Variants in C6orf163 observed in about 807,000 individuals in gnomAD.
C6orf163 encodes uncharacterized protein C6orf163.
In C6orf163, 22 loss-of-function variants were observed where a neutral mutation model predicts 28.4. That is an observed-to-expected ratio of 0.78 (90% CI 0.55 to 1.11). The LOEUF is 1.11. Among genes scored for constraint, C6orf163 ranks in the 50% least tolerant of loss-of-function variants. C6orf163 has a pLI of 0.00. For missense variants in C6orf163, 342 were observed against 389.1 expected, an observed-to-expected ratio of 0.88 and a Z score of 1.02; for synonymous variants, 110 against 123.6, an observed-to-expected ratio of 0.89 and a Z score of 0.73.
At position 87,344,947 on chromosome 6, in the gene C6orf163, C is replaced by T. The variant is rs1777301256; in HGVS notation, c.-153C>T. On this transcript the variant is annotated 5_prime_UTR_variant, in exon 1 of 5. Coordinates refer to ENST00000388923, the MANE Select transcript of C6orf163 (RefSeq NM_001010868.3). ...TAGACACATAACCACAGCCTAATCA[C>T]TTGAACCATTTAATCCTTACCAGCC... is the stretch of plus-strand genomic sequence containing the variant. 8.2e-6 allele frequency: 5 copies of T among 608,980 alleles called. No homozygotes were observed. Among genetic ancestry groups the T allele is most frequent in the Non-Finnish European group, 1.4e-5 (5 of 357,794 alleles). 37.7% of individuals were successfully genotyped at this position (608,980 alleles called of 1,614,324 possible).
At chr6:87,360,176 A>G (rs1381067019) in intron 4 of C6orf163, among the ~76,000 whole-genome samples, 2 of 152,208 alleles carry the variant, frequency 1.3e-5, no homozygotes, top group East Asian at 3.8e-4. Flanking sequence ...GATTATGTCC[A>G]AGATTTAATT....
chr6:87,348,353 T>A, intron 1 of C6orf163: 1 of 987,260 alleles, frequency 1.0e-6, no homozygotes, highest in Non-Finnish European at 1.2e-6. Flanking sequence ...CTGAAGCAGT[T>A]AAACCCACAA....
chr6:87,347,041 T>C (rs1340657382), intron 1 of C6orf163, among the ~76,000 whole-genome samples: 1 of 152,232 alleles, frequency 6.6e-6, no homozygotes, highest in East Asian at 1.9e-4. Flanking sequence ...TGTGTGTATA[T>C]TAATGTGCCA....
rs753793927 is a variant in C6orf163, at chr6:87,365,007, G to A, written c.601G>A (p.Asp201Asn). The part of the protein sequence containing the change: ...IVNTGVTVIK[D>N]EKTSVARLMR... ...GAATACTGGTGTCACAGTTATTAAG[G>A]ATGAGAAGACCAGTGTGGCCCGACT... Residue 201 changes from aspartate to asparagine, a missense_variant, in exon 5 of 5, where the codon GAT (aspartate) becomes AAT (asparagine). Asp to Asn is a conservative substitution (Grantham distance 23). Coordinates refer to ENST00000388923, the MANE Select transcript of C6orf163 (RefSeq NM_001010868.3). 3 of 1,551,584 alleles carry A rather than the reference G, an allele frequency of 1.9e-6. No homozygotes were observed. The highest frequency in any genetic ancestry group is 2.6e-6 in the Non-Finnish European group (3 of 1,146,898).
At chr6:87,363,852 T>A (rs1777611662) in intron 4 of C6orf163, among the ~76,000 whole-genome samples, 1 of 152,240 alleles carries the variant, frequency 6.6e-6, no homozygotes, top group Non-Finnish European at 1.5e-5. Context: ...AGACTTTATT[T>A]GCCTTTTTCA....
intron 4 of C6orf163, chr6:87,357,095 T>C (rs1291594030): frequency 6.5e-6 from 1 of 154,198 alleles, no homozygotes; most frequent in Non-Finnish European, 1.4e-5. Flanking sequence ...GAGACAGTTA[T>C]TTTAAACAAT....
intron 4 of C6orf163, among the ~76,000 whole-genome samples, chr6:87,362,030 C>T (rs192918207): frequency 3.9e-4 from 60 of 152,238 alleles, no homozygotes; most frequent in African/African-American, 1.3e-3. Flanking sequence ...ACCCTCCTGA[C>T]GAAAAATGTA....
intron 4 of C6orf163, among the ~76,000 whole-genome samples, chr6:87,362,564 G>A (rs542608361): frequency 9.9e-5 from 15 of 152,274 alleles, no homozygotes; most frequent in African/African-American, 3.6e-4. Context: ...CACAGTTCCT[G>A]CAATACAGTA....
intron 1 of C6orf163, 166 bp from the exon 2 acceptor site, chr6:87,348,646 A>G: frequency 7.2e-7 from 1 of 1,395,472 alleles, no homozygotes; most frequent in Non-Finnish European, 9.3e-7. Context: ...CCTCCTAATC[A>G]GAGAAAATCT....
intron 1 of C6orf163, chr6:87,347,580 C>T (rs1562228430): frequency 6.1e-6 from 6 of 985,256 alleles, no homozygotes; most frequent in African/African-American, 1.7e-5. Context: ...TTTTAAGATT[C>T]GCTGATGAAC....
chr6:87,358,644 T>C (rs1206090647), intron 4 of C6orf163: 1 of 152,122 alleles, frequency 6.6e-6, no homozygotes, highest in East Asian at 1.9e-4. Flanking sequence ...TTCTAATTGT[T>C]TTCTAGCCCA....
chr6:87,356,364 C>T lies in C6orf163; in HGVS notation c.415C>T (p.His139Tyr), dbSNP rs1777502611. 2 of 1,551,644 alleles carry T rather than the reference C, an allele frequency of 1.3e-6. No homozygotes were observed. The highest frequency in any genetic ancestry group is 1.7e-6 in the Non-Finnish European group (2 of 1,147,012). Residue 139 changes from histidine (H) to tyrosine (Y), a missense_variant, in exon 4 of 5, where the codon CAC becomes TAC. His to Tyr is a moderately conservative substitution (Grantham distance 83). Transcript: ENST00000388923. The stretch of plus-strand genomic sequence containing the variant: ...CATGGATGACGAAATGAAGAGAGAG[C>T]ACTTGGCTGCAGAACAGCGCATGGT... ...QNMDDEMKRE[H>Y]LAAEQRMVHR...
chr6:87,356,856 A>C (rs114454562), intron 4 of C6orf163: 1 of 202,514 alleles, frequency 4.9e-6, no homozygotes. Flanking sequence ...ACCAGTTTTA[A>C]GAAGCCAAGG....
intron 1 of C6orf163, chr6:87,348,461 G>A: frequency 9.9e-7 from 1 of 1,009,768 alleles, no homozygotes; most frequent in Non-Finnish European, 1.2e-6. Flanking sequence ...GGGAGAGAGA[G>A]AGCTGTATAA....
chr6:87,348,814 A>T lies in C6orf163; in HGVS notation c.151A>T (p.Ile51Phe). The change falls in exon 2 of 5, where the codon ATT becomes TTT. Residue 51 changes from isoleucine to phenylalanine, a missense_variant and splice_region_variant. Transcript: ENST00000388923. The part of the protein sequence containing the change: ...RFYTHKDILD[I>F]GANILKKEEQ... ...ACCATTGCTCTTCAAATACACAGAT[A>T]TTGGGGCAAATATTCTGAAAAAAGA... is the stretch of plus-strand genomic sequence containing the variant. 9 of 1,537,322 alleles carry T rather than the reference A, an allele frequency of 5.9e-6. No homozygotes were observed. The highest frequency in any genetic ancestry group is 7.8e-6 in the Non-Finnish European group (9 of 1,146,886).
In C6orf163 at chr6:87,345,050, T is replaced by C; in HGVS notation, c.-50T>C. ...CTTTTCTTGAAACGACTTTTTCTGA[T>C]TCTAAGATTATTTTAACTGTAAGTA... On this transcript the variant is annotated 5_prime_UTR_variant, in exon 1 of 5. Transcript: ENST00000388923. The C allele has an allele frequency of 1.4e-6, 2 of 1,435,706 alleles. No individual in the cohort carries two copies. The highest frequency in any genetic ancestry group is 1.4e-5 in the South Asian group (1 of 73,098). 88.9% of individuals were successfully genotyped at this position (1,435,706 alleles called of 1,614,324 possible).
chr6:87,364,341 G>A (rs866507813), intron 4 of C6orf163, among the ~76,000 whole-genome samples: 1 of 151,972 alleles, frequency 6.6e-6, no homozygotes, highest in Non-Finnish European at 1.5e-5. Flanking sequence ...TTGGGAAAAT[G>A]TTTTTCATAA....
chr6:87,362,442 A>G (rs1313896667), intron 4 of C6orf163, among the ~76,000 whole-genome samples: 1 of 152,182 alleles, frequency 6.6e-6, no homozygotes, highest in African/African-American at 2.4e-5. Context: ...GTGCCACTGC[A>G]CTCCAGCCTG....
chr6:87,359,507 A>G (rs761330847), intron 4 of C6orf163, among the ~76,000 whole-genome samples: 4 of 152,204 alleles, frequency 2.6e-5, no homozygotes, highest in Non-Finnish European at 4.4e-5. Context: ...ATCAGAACAT[A>G]GGTTACTGGT....
Sources: allele counts gnomAD v4.1 joint callset (sites outside exome capture counted in the v4.1 genomes callset), GRCh38; gene constraint gnomAD v4.1.1; transcripts MANE v1.5; gene names NCBI Gene and HGNC (gene_info 2026-07-23, HGNC 2026-07-21).